Variants in RTF2 observed in about 807,000 individuals in gnomAD.
RTF2 encodes replication termination factor 2.
A neutral mutation model predicts 38.0 loss-of-function variants in RTF2; 18 were observed. That is an observed-to-expected ratio of 0.47 (90% CI 0.33 to 0.70). The LOEUF is 0.70. Ranked by LOEUF, RTF2 falls within the 30% of genes least tolerant of loss-of-function variation. RTF2 has a pLI of 0.02. For missense variants in RTF2, 311 were observed against 379.6 expected, an observed-to-expected ratio of 0.82 and a Z score of 1.50; for synonymous variants, 126 against 137.1, an observed-to-expected ratio of 0.92 and a Z score of 0.57.
intron 5 of RTF2, chr20:56,491,859 G>A (rs576983189): frequency 9.4e-7 from 1 of 1,068,712 alleles, no homozygotes. Context: ...AGTGGCGCAT[G>A]CTCCGTCCGG....
At chr20:56,474,916 G>A (rs899799790) in intron 3 of RTF2, 145 bp downstream of exon 3, 2 of 500,272 alleles carry the variant, frequency 4.0e-6, no homozygotes, top group Non-Finnish European at 7.1e-6. Context: ...GATCTTGAGA[G>A]GTCACTTAAA....
chr20:56,512,873 C>T (rs150339244), intron 5 of RTF2, among the ~76,000 whole-genome samples: 3 of 152,234 alleles, frequency 2.0e-5, no homozygotes, highest in African/African-American at 7.2e-5. Context: ...GATGTTTTTG[C>T]CCAGGGAAGC....
At chr20:56,471,700 G>C (rs1981980730) in intron 1 of RTF2, 1 of 152,154 alleles carries the variant, frequency 6.6e-6, no homozygotes, top group African/African-American at 2.4e-5. Flanking sequence ...TTTTTCGGGG[G>C]AAACAATTTT....
intron 6 of RTF2, chr20:56,516,137 C>G (rs1985030999): frequency 6.6e-6 from 1 of 152,232 alleles, no homozygotes; most frequent in Non-Finnish European, 1.5e-5. Context: ...GTTAGAAATT[C>G]AAGGCCTGAG....
At chr20:56,475,359 G>A (rs1250098526) in intron 3 of RTF2, among the ~76,000 whole-genome samples, 2 of 152,176 alleles carry the variant, frequency 1.3e-5, no homozygotes, top group Admixed American at 6.5e-5. Flanking sequence ...CATGGCTAGC[G>A]AAGTACTTAA....
At chr20:56,517,251 C>G (rs920210397) in intron 8 of RTF2, 50 bp downstream of exon 8, 1 of 1,486,048 alleles carries the variant, frequency 6.7e-7, no homozygotes, top group African/African-American at 1.4e-5. Context: ...GCTGGAAACC[C>G]AGGTGGCCGA....
At chr20:56,516,309 T>C (rs1486947977) in intron 6 of RTF2, 1 of 152,022 alleles carries the variant, frequency 6.6e-6, no homozygotes, top group Non-Finnish European at 1.5e-5. Flanking sequence ...CCAACGCAGC[T>C]GTGTGACCGT....
intron 5 of RTF2, among the ~76,000 whole-genome samples, chr20:56,498,679 C>A (rs566402436): frequency 2.6e-5 from 4 of 152,092 alleles, no homozygotes; most frequent in Non-Finnish European, 5.9e-5. Flanking sequence ...AATTATTACA[C>A]GCAAGGATCA....
At position 56,472,389 on chromosome 20, in the gene RTF2, G is replaced by A. The variant is rs575165370; in HGVS notation, c.70-912G>A. ...ACACAGTGAAGGAAAAAACAAGAAC[G>A]GGAAGGAGTGGGACATGGAATATGA... is the stretch of plus-strand genomic sequence containing the variant. On this transcript the variant is annotated intron_variant, in intron 1 of 8. Coordinates refer to ENST00000357348, the MANE Select transcript of RTF2 (RefSeq NM_016407.5). The A allele has an allele frequency of 1.6e-5, 24 of 1,543,946 alleles. No individual in the cohort carries two copies. In the Admixed American group the frequency reaches 1.6e-4, roughly 10 times the overall value.
intron 5 of RTF2, among the ~76,000 whole-genome samples, chr20:56,503,724 A>G (rs1984076135): frequency 6.6e-6 from 1 of 152,118 alleles, no homozygotes; most frequent in Non-Finnish European, 1.5e-5. Flanking sequence ...GCACTTTGAG[A>G]GGCTGAGGTG....
At chr20:56,491,481 C>T in intron 5 of RTF2, 1 of 891,692 alleles carries the variant, frequency 1.1e-6, no homozygotes, top group Non-Finnish European at 1.8e-6. Context: ...GAATCATTTT[C>T]CCACTTCTTT....
rs11558197 is a variant in RTF2, at chr20:56,477,003, C to G, written c.277C>G (p.Leu93Val). 1.2e-6 allele frequency: 2 copies of G among 1,613,974 alleles called. No individual in the cohort carries two copies. Among genetic ancestry groups the G allele is most frequent in the Non-Finnish European group, 1.7e-6 (2 of 1,179,898 alleles). The stretch of plus-strand genomic sequence containing the variant: ...TTCCCAGAATGTGACAGAGCTGAAG[C>G]TTTCTGATAATCCTGCCTGGGAAGG... ...KSIKNVTELK[L>V]SDNPAWEGDK... The change falls in exon 4 of 9, where the codon CTT becomes GTT. Residue 93 changes from leucine to valine, a missense_variant. Coordinates refer to ENST00000357348, the MANE Select transcript of RTF2 (RefSeq NM_016407.5).
intron 1 of RTF2, among the ~76,000 whole-genome samples, chr20:56,471,262 G>GA (rs1981944174): frequency 6.6e-6 from 1 of 152,146 alleles, no homozygotes; most frequent in South Asian, 2.1e-4. Context: ...TGTTGTGAGT[G>GA]AAAGTATAGA....
At chr20:56,484,310 C>A in intron 5 of RTF2, 121 bp downstream of exon 5, 2 of 828,566 alleles carry the variant, frequency 2.4e-6, no homozygotes, top group Non-Finnish European at 4.0e-6. Context: ...TTTTCTGCTT[C>A]CATGGCTCTT....
chr20:56,493,965 C>A (rs1231680675), intron 5 of RTF2, among the ~76,000 whole-genome samples: 1 of 152,156 alleles, frequency 6.6e-6, no homozygotes, highest in Non-Finnish European at 1.5e-5. Flanking sequence ...AGTCTGAGCC[C>A]CAGCCCTGCC....
rs910211981 is a variant in RTF2 at position 56,495,173 on chromosome 20, TTTTTG to T, written c.477+10999_477+11003del. On this transcript the variant is annotated intron_variant, in intron 5 of 8. Transcript: ENST00000357348. ...ATAGTTGTTGTAAAATTTGAAGCCT[TTTTTG>T]TTTTGTTTTGTTTTTCTTTTTACCT... 7 of 1,494,594 alleles carry T rather than the reference TTTTTG, an allele frequency of 4.7e-6. No homozygotes were observed. In the African/African-American group the frequency reaches 5.6e-5, roughly 12 times the overall value. The allele number at this position is 1,494,594 out of a possible 1,614,324, so 92.6% of individuals were successfully genotyped here.
intron 6 of RTF2, chr20:56,514,160 G>A (rs2146378739): frequency 6.6e-6 from 1 of 152,284 alleles, no homozygotes; most frequent in South Asian, 2.1e-4. Context: ...GTTCAGAAGG[G>A]AGCGTGGTAT....
chr20:56,503,521 A>G (rs367906060), intron 5 of RTF2, among the ~76,000 whole-genome samples: 11 of 152,196 alleles, frequency 7.2e-5, no homozygotes, highest in African/African-American at 2.7e-4. Context: ...TACTGGGAAA[A>G]TATTCTACTT....
chr20:56,485,841 G>T (rs568039385), intron 5 of RTF2, among the ~76,000 whole-genome samples: 1 of 152,326 alleles, frequency 6.6e-6, no homozygotes, highest in African/African-American at 2.4e-5. Context: ...AGTCCTGCAG[G>T]AATCATGTTA....
Sources: gnomAD v4.1 joint callset for allele counts (sites outside exome capture counted in the v4.1 genomes callset) on GRCh38, gnomAD v4.1.1 for gene constraint, MANE v1.5 for transcripts, NCBI Gene and HGNC (gene_info 2026-07-23, HGNC 2026-07-21) for gene names.